The following ZNF28 variants were observed in gnomAD, a reference collection of about 807,000 sequenced individuals.
The protein encoded by ZNF28 is zinc finger protein 28.
In ZNF28, 5 loss-of-function variants were observed where a neutral mutation model predicts 7.2. The observed-to-expected ratio is 0.70, with a 90% CI of 0.36 to 1.46. The LOEUF (loss-of-function observed/expected upper bound fraction) is 1.46, where lower values mean the gene tolerates loss of function less well. ZNF28 is among the 40% of genes most tolerant of loss of function. ZNF28 has a pLI of 0.03. For missense variants in ZNF28, 879 were observed against 866.6 expected, an observed-to-expected ratio of 1.01 and a Z score of -0.18; for synonymous variants, 288 against 292.4, an observed-to-expected ratio of 0.99 and a Z score of 0.15.
At position 52,811,153 on chromosome 19, in the gene ZNF28, C is replaced by G. The variant is rs939410410; in HGVS notation, c.16-3020G>C. 9.7e-4 allele frequency among the ~76,000 whole-genome samples: 147 copies of G among 150,958 alleles called. 1 individual carries two copies. The highest frequency in any genetic ancestry group is 2.9e-3 in the African/African-American group (119 of 41,154). ...GAGTGATCCGCCAGCCTCGGCCTCC[C>G]GAGGTGCCGGGATTGCAGATGGAGT... On this transcript the variant is annotated intron_variant, in intron 2 of 3. Coordinates refer to ENST00000457749, the MANE Select transcript of ZNF28 (RefSeq NM_006969.5).
rs1359123585 is a variant in ZNF28 at position 52,799,477 on chromosome 19, G to C, written c.*211C>G. On this transcript the variant is annotated 3_prime_UTR_variant, in exon 4 of 4. Transcript: ENST00000457749. The stretch of plus-strand genomic sequence containing the variant: ...GTATGAATTCTATGATGACGTGCAA[G>C]GGTTGTTTTTTGATTAAAAACCTTG... 1.1e-6 allele frequency: 1 copy of C among 930,760 alleles called. No homozygotes were observed. 57.7% of individuals were successfully genotyped at this position (930,760 alleles called of 1,614,324 possible).
chr19:52,818,213 C>T (rs150760829), intron 1 of ZNF28, among the ~76,000 whole-genome samples, 182 bp from the exon 2 acceptor site: 358 of 152,304 alleles, frequency 2.4e-3, no homozygotes, highest in Non-Finnish European at 3.6e-3. Flanking sequence ...AGCCCACACA[C>T]ACGCTGCAGC....
intron 3 of ZNF28, among the ~76,000 whole-genome samples, chr19:52,806,417 C>T (rs2062937691): frequency 6.6e-6 from 1 of 152,056 alleles, no homozygotes; most frequent in Admixed American, 6.6e-5. Context: ...TAGTTTTGAA[C>T]TCCTGACTTC....
chr19:52,802,777 T>C (rs2033700319), intron 3 of ZNF28, among the ~76,000 whole-genome samples: 1 of 150,864 alleles, frequency 6.6e-6, no homozygotes, highest in African/African-American at 2.5e-5. Flanking sequence ...TTTTTTTTTT[T>C]TGCGACGAAA....
At chr19:52,813,356 G>C (rs901281013) in intron 2 of ZNF28, among the ~76,000 whole-genome samples, 5 of 150,860 alleles carry the variant, frequency 3.3e-5, no homozygotes, top group African/African-American at 1.2e-4. Context: ...CCAGGGAGTG[G>C]GGCAGGGGGC....
At chr19:52,809,938 T>C (rs1331182619) in intron 2 of ZNF28, 8 of 858,824 alleles carry the variant, frequency 9.3e-6, no homozygotes, top group Non-Finnish European at 1.5e-5. Flanking sequence ...GCCGGGGAGG[T>C]TGCCCCGGGG....
chr19:52,811,560 G>C (rs1178554232), intron 2 of ZNF28, among the ~76,000 whole-genome samples: 1 of 148,956 alleles, frequency 6.7e-6, no homozygotes, highest in East Asian at 2.0e-4. Flanking sequence ...TCTGGGATGT[G>C]AGGAGCGCCT....
intron 3 of ZNF28, among the ~76,000 whole-genome samples, chr19:52,804,300 TTTTG>T (rs1863923063): frequency 6.6e-6 from 1 of 152,130 alleles, no homozygotes; most frequent in Non-Finnish European, 1.5e-5. Flanking sequence ...CAATTTCCTT[TTTTG>T]TTTGTTTTTG....
At chr19:52,811,661 G>C (rs1052346677) in intron 2 of ZNF28, among the ~76,000 whole-genome samples, 4 of 142,608 alleles carry the variant, frequency 2.8e-5, no homozygotes, top group African/African-American at 1.1e-4. Context: ...CCTGGCAACC[G>C]CCCCGTCTGA....
intron 1 of ZNF28, among the ~76,000 whole-genome samples, chr19:52,820,493 C>G (rs1405780361): frequency 1.3e-5 from 2 of 152,032 alleles, no homozygotes; most frequent in Non-Finnish European, 2.9e-5. Flanking sequence ...ACCTCTTCTC[C>G]CCTCTCTGCT....
chr19:52,813,450 C>T (rs1332924695), intron 2 of ZNF28, among the ~76,000 whole-genome samples: 3 of 120,662 alleles, frequency 2.5e-5, no homozygotes, highest in Admixed American at 8.5e-5. Context: ...ACTTCGCCCC[C>T]GTAGGGGCTG....
chr19:52,806,936 G>A (rs1424681490), intron 3 of ZNF28, among the ~76,000 whole-genome samples: 2 of 152,040 alleles, frequency 1.3e-5, no homozygotes, highest in African/African-American at 2.4e-5. Flanking sequence ...GAAAGAAAGA[G>A]CAGAGAGATA....
chr19:52,807,836 C>A, intron 3 of ZNF28, 171 bp downstream of exon 3: 2 of 1,122,594 alleles, frequency 1.8e-6, no homozygotes, highest in South Asian at 3.1e-5. Context: ...ATGAAGAATG[C>A]AGAACCTCTA....
chr19:52,810,750 A>G (rs2063010653), intron 2 of ZNF28: 1 of 626,746 alleles, frequency 1.6e-6, no homozygotes, highest in Non-Finnish European at 2.8e-6. Flanking sequence ...AAGAGGAAAG[A>G]AGGGGAAAAA....
intron 1 of ZNF28, 102 bp from the exon 2 acceptor site, chr19:52,818,133 T>C: frequency 2.5e-6 from 3 of 1,214,584 alleles, no homozygotes; most frequent in Non-Finnish European, 3.4e-6. Context: ...GGAAATATGG[T>C]CCCCTATGCT....
intron 2 of ZNF28, among the ~76,000 whole-genome samples, chr19:52,813,426 T>TGG (rs1251557651): frequency 6.8e-6 from 1 of 147,096 alleles, no homozygotes; most frequent in African/African-American, 2.6e-5. Context: ...CTGCTCCCCG[T>TGG]GTTTCCCTGC....
chr19:52,805,980 C>T (rs967582165), intron 3 of ZNF28: 4 of 151,930 alleles, frequency 2.6e-5, no homozygotes, highest in Non-Finnish European at 4.4e-5. Context: ...AACTCAGTCT[C>T]ATAAATACAT....
At chr19:52,817,200 T>C (rs1351954503) in intron 2 of ZNF28, among the ~76,000 whole-genome samples, 3 of 151,908 alleles carry the variant, frequency 2.0e-5, no homozygotes, top group Non-Finnish European at 4.4e-5. Flanking sequence ...TGGAGAAACC[T>C]CGTCTCTACT....
At position 52,814,806 on chromosome 19, in the gene ZNF28, G is replaced by C. The variant is rs186421116; in HGVS notation, c.15+3138C>G. On this transcript the variant is annotated intron_variant, in intron 2 of 3. Coordinates refer to ENST00000457749, the MANE Select transcript of ZNF28 (RefSeq NM_006969.5). ...GGAGCCTGAGGCAGGAGACTCGCTT[G>C]AACCAGGAAGGCAGAGGCTACAGTG... Among the ~76,000 whole-genome samples, 186 of 146,290 alleles carry C rather than the reference G, an allele frequency of 1.3e-3. 10 individuals are homozygous for C. The highest frequency in any genetic ancestry group is 1.9e-3 in the Non-Finnish European group (126 of 67,594).
Sources: gnomAD v4.1 joint callset for allele counts (sites outside exome capture counted in the v4.1 genomes callset) on GRCh38, gnomAD v4.1.1 for gene constraint, MANE v1.5 for transcripts, NCBI Gene and HGNC (gene_info 2026-07-23, HGNC 2026-07-21) for gene names.